Variants in POLN observed in about 807,000 individuals in gnomAD.
POLN encodes DNA polymerase nu, also known as DNA polymerase N.
A neutral mutation model predicts 113.5 loss-of-function variants in POLN; 108 were observed. That is an observed-to-expected ratio of 0.95 (90% CI 0.81 to 1.12). POLN has a LOEUF of 1.12. Ranked by LOEUF, POLN falls within the 50% of genes most tolerant of loss-of-function variation. POLN has a pLI of 0.00. For missense variants in POLN, 1,097 were observed against 1,077.1 expected, an observed-to-expected ratio of 1.02 and a Z score of -0.26; for synonymous variants, 386 against 391.5, an observed-to-expected ratio of 0.99 and a Z score of 0.17.
rs747025032 is a variant in POLN at position 2,095,895 on chromosome 4, C to T, written c.2021G>A (p.Arg674Lys). 2.8e-5 allele frequency: 46 copies of T among 1,614,076 alleles called. No individual in the cohort carries two copies. The highest frequency in any genetic ancestry group is 5.3e-5 in the African/African-American group (4 of 74,932). The change falls in exon 20 of 26, where the codon AGA becomes AAA. Residue 674 changes from arginine (R) to lysine (K), a missense_variant. Transcript: ENST00000511885. ...GTACACCACCTTCTTGGTTTGCTCT[C>T]TGTCTGCGTGTGTCACCTGTTCCAC... is the stretch of plus-strand genomic sequence containing the variant. Reference protein sequence around the residue: ...VPVEQVTHADREQTKKVVYAV... With the variant: ...VPVEQVTHADKEQTKKVVYAV...
At chr4:2,092,810 C>T (rs1026741844) in intron 20 of POLN, among the ~76,000 whole-genome samples, 2 of 152,340 alleles carry the variant, frequency 1.3e-5, no homozygotes, top group Admixed American at 6.5e-5. Flanking sequence ...GTTTCCAAAG[C>T]GCCCCAGCAG....
intron 20 of POLN, among the ~76,000 whole-genome samples, chr4:2,086,700 T>C (rs1032176348): frequency 2.6e-5 from 4 of 152,138 alleles, no homozygotes; most frequent in African/African-American, 9.7e-5. Flanking sequence ...GCCTTGGCCC[T>C]GGGGAGTGCT....
intron 19 of POLN, among the ~76,000 whole-genome samples, chr4:2,110,449 G>C (rs1214434423): frequency 6.6e-6 from 1 of 152,122 alleles, no homozygotes; most frequent in Non-Finnish European, 1.5e-5. Context: ...ATGAATCCAG[G>C]ACCTGGTTTT....
chr4:2,160,605 C>T (rs1173350575), intron 13 of POLN, among the ~76,000 whole-genome samples: 1 of 152,056 alleles, frequency 6.6e-6, no homozygotes, highest in South Asian at 2.1e-4. Flanking sequence ...GATGAGGTCT[C>T]GCCATGTTGC....
intron 23 of POLN, chr4:2,080,118 G>C: frequency 4.1e-6 from 4 of 985,592 alleles, no homozygotes; most frequent in Non-Finnish European, 4.8e-6. Flanking sequence ...GTGGGGGGCT[G>C]GGGCAGGTTA....
intron 16 of POLN, among the ~76,000 whole-genome samples, chr4:2,139,109 G>A (rs2108730183): frequency 6.6e-6 from 1 of 152,260 alleles, no homozygotes; most frequent in South Asian, 2.1e-4. Flanking sequence ...AGGGAGAGGA[G>A]CCCCTCCTCT....
At chr4:2,106,919 T>C (rs1429475779) in intron 19 of POLN, among the ~76,000 whole-genome samples, 1 of 152,146 alleles carries the variant, frequency 6.6e-6, no homozygotes, top group African/African-American at 2.4e-5. Flanking sequence ...GTCTAGTTAC[T>C]AAAAAAACCT....
At chr4:2,241,423 C>T (rs912740061) in intron 2 of POLN, 97 bp downstream of exon 2, 3 of 867,536 alleles carry the variant, frequency 3.5e-6, no homozygotes, top group African/African-American at 1.8e-5. Context: ...CAAACCCAAG[C>T]CACCAGGAGG....
intron 19 of POLN, among the ~76,000 whole-genome samples, chr4:2,121,449 A>AT (rs1369369650): frequency 0.017 from 702 of 41,014 alleles, 7 homozygotes; most frequent in Admixed American, 0.038. Flanking sequence ...AAAAAAAAAA[A>AT]AAAATATATA....
intron 19 of POLN, among the ~76,000 whole-genome samples, chr4:2,115,782 C>T (rs953603928): frequency 9.2e-5 from 14 of 152,194 alleles, no homozygotes; most frequent in Non-Finnish European, 1.6e-4. Flanking sequence ...TGGGTCTGGA[C>T]TTCATTGCAA....
At chr4:2,198,465 C>A in intron 6 of POLN, 59 bp downstream of exon 6, 3 of 1,410,334 alleles carry the variant, frequency 2.1e-6, no homozygotes, top group Non-Finnish European at 2.8e-6. Flanking sequence ...GAGCAAGTTT[C>A]CATTAGTATA....
intron 3 of POLN, among the ~76,000 whole-genome samples, chr4:2,222,200 T>C (rs1424954748): frequency 6.6e-6 from 1 of 152,094 alleles, no homozygotes; most frequent in East Asian, 1.9e-4. Flanking sequence ...AAGATTTAAA[T>C]ATACCAATCC....
Position 2,179,296 on chromosome 4 carries a change from TAAAC to T in POLN, c.1179+8_1179+11del. On this transcript the variant is annotated splice_region_variant and intron_variant, in intron 8 of 25. Coordinates refer to ENST00000511885, the MANE Select transcript of POLN (RefSeq NM_181808.4). ...TATTAAGGTTGATAAAACTTTATCT[TAAAC>T]AACTCACCACAATATTTCTTGAGGA... The T allele has an allele frequency of 1.9e-6, 3 of 1,606,342 alleles. No homozygotes were observed. The highest frequency in any genetic ancestry group is 2.6e-6 in the Non-Finnish European group (3 of 1,176,272).
chr4:2,218,655 G>A (rs1734177347), intron 3 of POLN, among the ~76,000 whole-genome samples: 1 of 152,288 alleles, frequency 6.6e-6, no homozygotes, highest in African/African-American at 2.4e-5. Context: ...TGGGTGGCGG[G>A]ATAACATAGC....
At chr4:2,079,453 G>C in intron 23 of POLN, 1 of 985,598 alleles carries the variant, frequency 1.0e-6, no homozygotes, top group Non-Finnish European at 1.2e-6. Context: ...ATGCGTATAT[G>C]TGTGTGCATG....
chr4:2,174,736 G>T lies in POLN; in HGVS notation c.1264C>A (p.Gln422Lys), dbSNP rs1050042896. 4.4e-6 allele frequency: 7 copies of T among 1,605,276 alleles called. No individual in the cohort carries two copies. The highest frequency in any genetic ancestry group is 5.1e-6 in the Non-Finnish European group (6 of 1,172,686). ...GGAAGCTCCAAAGTACGAAATAGTTGCCATAAACCATAATCCTGTTTAATA... is the reference window on the plus strand; with the variant it reads ...GGAAGCTCCAAAGTACGAAATAGTTTCCATAAACCATAATCCTGTTTAATA... ...CSKLKDYGLWQLFRTLELPLI... is the reference protein window; with the variant it reads ...CSKLKDYGLWKLFRTLELPLI... Residue 422 changes from glutamine (Q) to lysine (K), a missense_variant, in exon 10 of 26, where the codon CAA becomes AAA. By Grantham distance (53) the Gln-to-Lys change is moderately conservative. Coordinates refer to ENST00000511885, the MANE Select transcript of POLN (RefSeq NM_181808.4).
intron 21 of POLN, among the ~76,000 whole-genome samples, chr4:2,084,922 CCA>C (rs1289621237): frequency 1.3e-5 from 2 of 152,228 alleles, no homozygotes; most frequent in East Asian, 3.8e-4. Context: ...CTGCTCTTTT[CCA>C]GATTTCTTGT....
At chr4:2,179,188 TA>T in intron 8 of POLN, 119 bp downstream of exon 8, 2 of 1,010,256 alleles carry the variant, frequency 2.0e-6, no homozygotes, top group Non-Finnish European at 2.9e-6. Context: ...TTGTGCTGAA[TA>T]AGTGAAAATG....
intron 16 of POLN, among the ~76,000 whole-genome samples, chr4:2,143,590 T>C (rs932206055): frequency 2.6e-5 from 4 of 152,174 alleles, no homozygotes; most frequent in Non-Finnish European, 4.4e-5. Context: ...GCCTAGATGA[T>C]TTCATTAGAG....
Sources: allele counts gnomAD v4.1 joint callset (sites outside exome capture counted in the v4.1 genomes callset), GRCh38; gene constraint gnomAD v4.1.1; transcripts MANE v1.5; gene names NCBI Gene and HGNC (gene_info 2026-07-23, HGNC 2026-07-21).